The following TAS2R1 variants were observed in gnomAD, a reference collection of about 807,000 sequenced individuals.
TAS2R1 encodes the protein taste receptor type 2 member 1.
For synonymous variants in TAS2R1, 141 were observed against 134.2 expected, an observed-to-expected ratio of 1.05 and a Z score of -0.35; for missense variants, 370 against 353.4, an observed-to-expected ratio of 1.05 and a Z score of -0.38.
At chr5:9,821,073 A>G in the TAS2R1 span, among the ~76,000 whole-genome samples, 1 of 152,220 alleles carries the variant, frequency 6.6e-6, no homozygotes, top group Non-Finnish European at 1.5e-5. Context: ...GGAGAAAGAG[A>G]GAGACCCTTG....
intron 2 of TAS2R1, among the ~76,000 whole-genome samples, chr5:9,649,408 G>C (rs1450403055): frequency 6.6e-6 from 1 of 152,166 alleles, no homozygotes; most frequent in African/African-American, 2.4e-5. Context: ...CAAAATATTT[G>C]TGCAGAAGTT....
chr5:9,827,918 T>A, the TAS2R1 span, among the ~76,000 whole-genome samples: 282 of 152,328 alleles, frequency 1.9e-3, 10 homozygotes, highest in East Asian at 0.044. Flanking sequence ...CTACTTCTAA[T>A]CCTTGCATGA....
the TAS2R1 span, among the ~76,000 whole-genome samples, chr5:9,812,817 G>A: frequency 6.6e-6 from 1 of 152,210 alleles, no homozygotes; most frequent in African/African-American, 2.4e-5. Flanking sequence ...CTGGGTGGCA[G>A]AGACCATGCC....
At chr5:9,767,376 A>T in the TAS2R1 span, among the ~76,000 whole-genome samples, 1 of 152,082 alleles carries the variant, frequency 6.6e-6, no homozygotes, top group Non-Finnish European at 1.5e-5. Context: ...TCACACAGTG[A>T]GCCTCGAAGC....
chr5:9,689,875 C>G (rs1441036362), intron 1 of TAS2R1, among the ~76,000 whole-genome samples: 1 of 152,014 alleles, frequency 6.6e-6, no homozygotes, highest in Non-Finnish European at 1.5e-5. Flanking sequence ...TTCACATATC[C>G]TCGGATGAAG....
the TAS2R1 span, among the ~76,000 whole-genome samples, chr5:9,833,225 G>C: frequency 4.5e-3 from 681 of 152,246 alleles, 4 homozygotes; most frequent in African/African-American, 0.015. Flanking sequence ...TCCTTTGTCC[G>C]TAAGGAATTT....
chr5:9,784,385 C>A, the TAS2R1 span, among the ~76,000 whole-genome samples: 2 of 152,190 alleles, frequency 1.3e-5, no homozygotes, highest in Admixed American at 6.5e-5. Context: ...CCAGAAAATA[C>A]TTCTCAAGTA....
the TAS2R1 span, among the ~76,000 whole-genome samples, chr5:9,753,846 T>C: frequency 0.016 from 2,426 of 152,296 alleles, 56 homozygotes; most frequent in African/African-American, 0.053. Flanking sequence ...TTGTCAAAGA[T>C]CAGATGGTTG....
chr5:9,650,682 C>T (rs1561369319), intron 2 of TAS2R1, among the ~76,000 whole-genome samples: 1 of 152,142 alleles, frequency 6.6e-6, no homozygotes, highest in African/African-American at 2.4e-5. Context: ...TTCACTTCAT[C>T]ACAAAAGACT....
chr5:9,838,670 C>T, the TAS2R1 span, among the ~76,000 whole-genome samples: 1 of 152,190 alleles, frequency 6.6e-6, no homozygotes, highest in Non-Finnish European at 1.5e-5. Context: ...CTGGACAGTA[C>T]TTCTGCTCCG....
At chr5:9,729,683 A>C in the TAS2R1 span, among the ~76,000 whole-genome samples, 2 of 152,220 alleles carry the variant, frequency 1.3e-5, no homozygotes, top group African/African-American at 4.8e-5. Context: ...CGGAGGCAGC[A>C]CTTAAATAAG....
the TAS2R1 span, among the ~76,000 whole-genome samples, chr5:9,778,429 C>A: frequency 1.3e-5 from 2 of 152,176 alleles, no homozygotes; most frequent in African/African-American, 4.8e-5. Flanking sequence ...GCTGCATTAG[C>A]CCCTAACAAG....
chr5:9,886,909 C>T, the TAS2R1 span, among the ~76,000 whole-genome samples: 3 of 152,136 alleles, frequency 2.0e-5, no homozygotes, highest in South Asian at 2.1e-4. Context: ...GGAACATCTA[C>T]GTAACCATCA....
chr5:9,711,311 T>C (rs1461460915), intron 1 of TAS2R1, among the ~76,000 whole-genome samples: 1 of 152,174 alleles, frequency 6.6e-6, no homozygotes. Flanking sequence ...AGTATATCCA[T>C]ACAATGGAAT....
At chr5:9,758,199 A>G in the TAS2R1 span, among the ~76,000 whole-genome samples, 148 of 152,328 alleles carry the variant, frequency 9.7e-4, 1 homozygote, top group Admixed American at 2.5e-3. Context: ...ATTCATCTCT[A>G]TAAGTAATTA....
intron 2 of TAS2R1, among the ~76,000 whole-genome samples, chr5:9,654,877 C>A (rs1051233910): frequency 6.6e-6 from 1 of 152,214 alleles, no homozygotes; most frequent in Non-Finnish European, 1.5e-5. Flanking sequence ...TACATTGTGT[C>A]TGTGGTCCAG....
chr5:9,767,842 T>G, the TAS2R1 span, among the ~76,000 whole-genome samples: 1 of 143,136 alleles, frequency 7.0e-6, no homozygotes, highest in African/African-American at 2.6e-5. Context: ...GAGAATTGCT[T>G]GAATCCAGGA....
chr5:9,891,267 C>T, the TAS2R1 span, among the ~76,000 whole-genome samples: 18 of 152,052 alleles, frequency 1.2e-4, no homozygotes, highest in Non-Finnish European at 2.2e-4. Flanking sequence ...TTAAGCAGGA[C>T]GTTAAAGAGC....
At chr5:9,692,309 G>C (rs1338853832) in intron 1 of TAS2R1, among the ~76,000 whole-genome samples, 1 of 152,186 alleles carries the variant, frequency 6.6e-6, no homozygotes, top group Non-Finnish European at 1.5e-5. Flanking sequence ...TGGTACTTCT[G>C]AAAATGGAAG....
Sources: gnomAD v4.1 joint callset for allele counts (sites outside exome capture counted in the v4.1 genomes callset) on GRCh38, gnomAD v4.1.1 for gene constraint, MANE v1.5 for transcripts, NCBI Gene and HGNC (gene_info 2026-07-23, HGNC 2026-07-21) for gene names.